Variants in SYT9 observed in about 807,000 individuals in gnomAD.
SYT9 encodes the protein synaptotagmin-9.
SYT9 carries 22 observed loss-of-function variants against 48.4 expected under a neutral mutation model. That is an observed-to-expected ratio of 0.45 (90% confidence interval 0.32 to 0.65). The LOEUF (loss-of-function observed/expected upper bound fraction) is 0.65, where lower values mean the gene tolerates loss of function less well. SYT9 is among the 30% of genes least tolerant of loss of function. The pLI, the probability that SYT9 is intolerant of heterozygous loss-of-function variation, is 0.03. For synonymous variants in SYT9, 265 were observed against 245.0 expected (o/e 1.08, Z -0.76); for missense variants, 577 against 622.0 (o/e 0.93, Z 0.77).
intron 1 of SYT9, among the ~76,000 whole-genome samples, chr11:7,285,132 T>A (rs1401559899): frequency 1.3e-5 from 2 of 152,174 alleles, no homozygotes; most frequent in Admixed American, 6.5e-5. Flanking sequence ...ATTTGGGAGC[T>A]AAAGATGAGG....
intron 3 of SYT9, among the ~76,000 whole-genome samples, chr11:7,382,334 G>C (rs189726003): frequency 6.6e-6 from 1 of 152,254 alleles, no homozygotes; most frequent in African/African-American, 2.4e-5. Context: ...AAGTATAAAT[G>C]TCATGACTTG....
chr11:7,419,007 A>G (rs1036313493), intron 5 of SYT9, among the ~76,000 whole-genome samples: 3 of 152,190 alleles, frequency 2.0e-5, no homozygotes, highest in African/African-American at 7.2e-5. Context: ...TGACCTGAAC[A>G]CTCTTTCCAG....
intron 2 of SYT9, among the ~76,000 whole-genome samples, chr11:7,311,914 A>G (rs1849141297): frequency 6.6e-6 from 1 of 152,222 alleles, no homozygotes; most frequent in South Asian, 2.1e-4. Context: ...TAGATGCTTA[A>G]CAGCAACTCC....
intron 3 of SYT9, among the ~76,000 whole-genome samples, chr11:7,385,652 A>T (rs905863276): frequency 2.0e-5 from 3 of 152,120 alleles, no homozygotes; most frequent in African/African-American, 7.2e-5. Flanking sequence ...AACCTTAAAA[A>T]AAGTTTAAAA....
chr11:7,381,906 C>G (rs1393361704), intron 3 of SYT9, among the ~76,000 whole-genome samples: 1 of 152,196 alleles, frequency 6.6e-6, no homozygotes. Flanking sequence ...CTTCCAGCCA[C>G]TGGTACTCCA....
intron 3 of SYT9, among the ~76,000 whole-genome samples, chr11:7,347,612 A>C (rs1424380310): frequency 1.3e-5 from 2 of 152,160 alleles, no homozygotes; most frequent in Non-Finnish European, 2.9e-5. Flanking sequence ...TCAAATAAGC[A>C]TGCTGTGGGA....
At chr11:7,399,127 A>G (rs888462208) in intron 3 of SYT9, among the ~76,000 whole-genome samples, 2 of 152,204 alleles carry the variant, frequency 1.3e-5, no homozygotes, top group African/African-American at 4.8e-5. Flanking sequence ...GGAAGCATTT[A>G]TGTTTGTCTG....
intron 1 of SYT9, among the ~76,000 whole-genome samples, chr11:7,284,156 T>C (rs999664881): frequency 1.3e-5 from 2 of 152,164 alleles, no homozygotes; most frequent in African/African-American, 4.8e-5. Flanking sequence ...ATCTTTTAAA[T>C]AAAAGCGTAT....
At chr11:7,464,926 C>G (rs1457315046) in intron 6 of SYT9, among the ~76,000 whole-genome samples, 1 of 143,890 alleles carries the variant, frequency 6.9e-6, no homozygotes, top group Non-Finnish European at 1.5e-5. Context: ...ACTAAAAATA[C>G]AAAAAAAAAA....
At chr11:7,255,743 G>A (rs1484983937) in intron 1 of SYT9, among the ~76,000 whole-genome samples, 1 of 152,020 alleles carries the variant, frequency 6.6e-6, no homozygotes, top group Non-Finnish European at 1.5e-5. Context: ...GGGGTGAGGA[G>A]GGAAATCATG....
intron 6 of SYT9, among the ~76,000 whole-genome samples, chr11:7,449,654 G>T (rs1322842247): frequency 6.6e-6 from 1 of 152,138 alleles, no homozygotes; most frequent in Admixed American, 6.5e-5. Flanking sequence ...TGGACTGGGG[G>T]TGTGGAAAGC....
chr11:7,396,322 C>A (rs114000409), intron 3 of SYT9, among the ~76,000 whole-genome samples: 1 of 152,022 alleles, frequency 6.6e-6, no homozygotes, highest in African/African-American at 2.4e-5. Flanking sequence ...TATAGTGATA[C>A]GAGTGATGTA....
intron 3 of SYT9, among the ~76,000 whole-genome samples, chr11:7,412,606 C>T (rs574104382): frequency 1.3e-5 from 2 of 152,284 alleles, no homozygotes; most frequent in East Asian, 3.9e-4. Context: ...GTGATGTATG[C>T]TGGCTCTGGT....
chr11:7,246,612 C>A (rs987530238), intron 1 of SYT9, among the ~76,000 whole-genome samples: 1 of 152,162 alleles, frequency 6.6e-6, no homozygotes, highest in South Asian at 2.1e-4. Context: ...GGATTCCAGT[C>A]CTGTTTCTAT....
At chr11:7,448,314 C>T (rs56776366) in intron 6 of SYT9, among the ~76,000 whole-genome samples, 20,812 of 152,240 alleles carry the variant, frequency 0.14, 1,611 homozygotes, top group Middle Eastern at 0.18. Flanking sequence ...GAGGGCGCCA[C>T]ACTCAGGTGC....
At chr11:7,298,084 G>A (rs1432028835) in intron 1 of SYT9, among the ~76,000 whole-genome samples, 2 of 152,082 alleles carry the variant, frequency 1.3e-5, no homozygotes, top group Non-Finnish European at 2.9e-5. Flanking sequence ...TTTCTTTGAT[G>A]ACTCTCACCT....
At chr11:7,462,421 T>G (rs1430858862) in intron 6 of SYT9, among the ~76,000 whole-genome samples, 2 of 152,206 alleles carry the variant, frequency 1.3e-5, no homozygotes, top group African/African-American at 4.8e-5. Context: ...AAAGGCAGTA[T>G]AGTCACATTC....
At chr11:7,415,654 A>T (rs2134096272) in intron 3 of SYT9, among the ~76,000 whole-genome samples, 1 of 152,104 alleles carries the variant, frequency 6.6e-6, no homozygotes, top group Non-Finnish European at 1.5e-5. Context: ...TGTGCATTGT[A>T]GTAGTGATAT....
At chr11:7,316,179 A>G (rs1414405003) in intron 3 of SYT9, among the ~76,000 whole-genome samples, 1 of 151,802 alleles carries the variant, frequency 6.6e-6, no homozygotes, top group Non-Finnish European at 1.5e-5. Context: ...TTAATGAAGG[A>G]AAAATTAAAT....
Sources: gnomAD v4.1 joint callset for allele counts (sites outside exome capture counted in the v4.1 genomes callset) on GRCh38, gnomAD v4.1.1 for gene constraint, MANE v1.5 for transcripts, NCBI Gene and HGNC (gene_info 2026-07-23, HGNC 2026-07-21) for gene names.